KEL: variants seen among roughly 807,000 people sequenced by gnomAD.
The protein encoded by KEL is Kell metallo-endopeptidase (Kell blood group), also known as kell blood group glycoprotein.
Under a neutral mutation model 99.5 loss-of-function variants are expected in KEL, and 96 were observed. The observed-to-expected ratio is 0.97, with a 90% CI of 0.82 to 1.14. KEL has a LOEUF of 1.14. KEL is among the 50% of genes most tolerant of loss of function. The pLI is 0.00. For missense variants in KEL, 926 were observed against 924.2 expected (o/e 1.00, Z -0.03); for synonymous variants, 355 against 354.8 (o/e 1.00, Z -0.01).
chr7:142,948,899 G>C (rs964195538), intron 10 of KEL, among the ~76,000 whole-genome samples: 1 of 142,206 alleles, frequency 7.0e-6, no homozygotes, highest in Non-Finnish European at 1.6e-5. Flanking sequence ...AAGCTTCACA[G>C]ACACACACAC....
At chr7:142,946,397 CA>C in intron 10 of KEL, 80 bp from the exon 11 acceptor site, 1 of 1,140,448 alleles carries the variant, frequency 8.8e-7, no homozygotes, top group East Asian at 2.5e-5. Context: ...ACTAGATCTT[CA>C]TTCCCAGAGG....
intron 10 of KEL, among the ~76,000 whole-genome samples, chr7:142,948,274 A>G (rs950620339): frequency 4.6e-5 from 7 of 152,222 alleles, no homozygotes; most frequent in African/African-American, 1.4e-4. Flanking sequence ...AGAGAGAGAA[A>G]GAGAGGGAGA....
chr7:142,956,980 C>A (rs115909961), intron 6 of KEL, among the ~76,000 whole-genome samples: 401 of 152,314 alleles, frequency 2.6e-3, no homozygotes, highest in African/African-American at 9.1e-3. Flanking sequence ...CTACAAATAC[C>A]TGGCAAAACT....
At chr7:142,951,570 T>A (rs1312026083) in intron 10 of KEL, among the ~76,000 whole-genome samples, 1 of 152,154 alleles carries the variant, frequency 6.6e-6, no homozygotes, top group East Asian at 1.9e-4. Context: ...TCCTCCTCTT[T>A]AAAATAGGAA....
chr7:142,941,865 G>A (rs1453125974), intron 18 of KEL, among the ~76,000 whole-genome samples: 1 of 151,306 alleles, frequency 6.6e-6, no homozygotes, highest in African/African-American at 2.4e-5. Context: ...CTGGAGTGCA[G>A]TGGCATGATC....
intron 6 of KEL, among the ~76,000 whole-genome samples, chr7:142,954,791 A>G (rs1186836705): frequency 6.6e-6 from 1 of 152,182 alleles, no homozygotes; most frequent in Non-Finnish European, 1.5e-5. Flanking sequence ...GATAATCAGC[A>G]TCTTAAAAGG....
intron 10 of KEL, among the ~76,000 whole-genome samples, chr7:142,951,794 C>T (rs1028056511): frequency 6.6e-6 from 1 of 152,062 alleles, no homozygotes; most frequent in African/African-American, 2.4e-5. Context: ...AAATGGACCA[C>T]AAATTACTAA....
chr7:142,949,127 C>T (rs564626738), intron 10 of KEL, among the ~76,000 whole-genome samples: 2 of 152,210 alleles, frequency 1.3e-5, no homozygotes, highest in Non-Finnish European at 2.9e-5. Flanking sequence ...CCCTGTGGTT[C>T]AGTGACACCA....
chr7:142,945,040 G>T, intron 11 of KEL: 1 of 478,854 alleles, frequency 2.1e-6, no homozygotes, highest in Non-Finnish European at 3.8e-6. Context: ...CTCACTCCTG[G>T]GGGCAGGAAC....
Position 142,943,802 on chromosome 7 carries a change from G to C in KEL, c.1573C>G (p.Gln525Glu). ...TCATACCTGTGTTGGGGGTGAGGCT[G>C]CAAGAAGCTCTGGACAATTCTAGCT... is the stretch of plus-strand genomic sequence containing the variant. ...LRARIVQSFL[Q>E]PHPQHRWKVS... Residue 525 changes from glutamine (Q) to glutamate (E), a missense_variant, in exon 14 of 19, where the codon CAG (glutamine) becomes GAG (glutamate). Physicochemically the swap from Gln to Glu is conservative, Grantham distance 29 (BLOSUM62 2). Transcript: ENST00000355265. 2 of 1,614,108 alleles carry C rather than the reference G, an allele frequency of 1.2e-6. No individual in the cohort carries two copies. Among genetic ancestry groups the C allele is most frequent in the South Asian group, 2.2e-5 (2 of 91,080 alleles).
chr7:142,943,064 A>G lies in KEL; in HGVS notation c.1772-20T>C. The G allele has an allele frequency of 6.2e-7, 1 of 1,613,430 alleles. No individual in the cohort carries two copies. The highest frequency in any genetic ancestry group is 1.3e-5 in the African/African-American group (1 of 75,036). On this transcript the variant is annotated intron_variant, in intron 16 of 18. Coordinates refer to ENST00000355265, the MANE Select transcript of KEL (RefSeq NM_000420.3). ...GCAGTACTGTTGAAAATGGGACAAG[A>G]GAACATACAGCAAGAGAACATAGGG...
chr7:142,946,878 A>G (rs769000716), intron 10 of KEL, among the ~76,000 whole-genome samples: 1 of 152,222 alleles, frequency 6.6e-6, no homozygotes, highest in African/African-American at 2.4e-5. Context: ...TTTGCTAGGA[A>G]AAGAGGACAC....
chr7:142,944,010 G>A (rs1023484596), intron 13 of KEL, 127 bp from the exon 14 acceptor site: 13 of 777,496 alleles, frequency 1.7e-5, no homozygotes, highest in Non-Finnish European at 2.9e-5. Context: ...GGGATTAGGA[G>A]AGAGCAGCCC....
At position 142,958,335 on chromosome 7, in the gene KEL, C is replaced by G; in HGVS notation, c.494G>C (p.Gly165Ala). Residue 165 changes from glycine to alanine, a missense_variant, in exon 5 of 19, where the codon GGG becomes GCG. Physicochemically the swap from Gly to Ala is moderately conservative, Grantham distance 60. Transcript: ENST00000355265. ...AATAACTTGTCTGAGGGGACCAGTC[C>G]CTGCAGCTTCAATGGCAAGTGTATC... ...CMDTLAIEAA[G>A]TGPLRQVIEE... is the part of the protein sequence containing the mutation. 3 of 1,614,122 alleles carry G rather than the reference C, an allele frequency of 1.9e-6. No individual in the cohort carries two copies. Among genetic ancestry groups the G allele is most frequent in the African/African-American group, 2.7e-5 (2 of 75,036 alleles).
At chr7:142,943,662 A>G (rs1467222218) in intron 14 of KEL, 66 bp from the exon 15 acceptor site, 1 of 1,435,848 alleles carries the variant, frequency 7.0e-7, no homozygotes, top group African/African-American at 1.4e-5. Flanking sequence ...TGAGACCTAC[A>G]CAGTCCCTCC....
rs759304914 is a variant in KEL at position 142,957,999 on chromosome 7, G to C, written c.526-26C>G. On this transcript the variant is annotated intron_variant, in intron 5 of 18. Coordinates refer to ENST00000355265, the MANE Select transcript of KEL (RefSeq NM_000420.3). The stretch of plus-strand genomic sequence containing the variant: ...CTTTAAAGGAGAGAGAGGGGGCTGA[G>C]CATAAGGATCCGTGGAGCCCATCCC... 4 of 1,610,548 alleles carry C rather than the reference G, an allele frequency of 2.5e-6. No individual in the cohort carries two copies. The Admixed American group carries it at 6.7e-5, about 27-fold the overall frequency.
intron 6 of KEL, among the ~76,000 whole-genome samples, chr7:142,956,892 G>T (rs949351674): frequency 1.3e-5 from 2 of 152,150 alleles, no homozygotes; most frequent in Admixed American, 1.3e-4. Context: ...TGACAGTAGG[G>T]CCCAAATATG....
chr7:142,952,466 T>C (rs1796710081), intron 10 of KEL, 43 bp downstream of exon 10: 1 of 1,611,078 alleles, frequency 6.2e-7, no homozygotes, highest in South Asian at 1.1e-5. Context: ...GAGTAGATAC[T>C]CCTTTCGAGT....
intron 6 of KEL, among the ~76,000 whole-genome samples, chr7:142,955,693 T>A (rs944552214): frequency 6.6e-6 from 1 of 152,158 alleles, no homozygotes; most frequent in Admixed American, 6.5e-5. Context: ...CTTCTCCAAT[T>A]TCAATATCCC....
Sources: gnomAD v4.1 joint callset for allele counts (sites outside exome capture counted in the v4.1 genomes callset) on GRCh38, gnomAD v4.1.1 for gene constraint, MANE v1.5 for transcripts, NCBI Gene and HGNC (gene_info 2026-07-23, HGNC 2026-07-21) for gene names.